The following TEAD1 variants were observed in gnomAD, a reference collection of about 807,000 sequenced individuals.
The protein encoded by TEAD1 is transcriptional enhancer factor TEF-1.
Under a neutral mutation model 54.9 loss-of-function variants are expected in TEAD1, and 9 were observed. The ratio of observed to expected loss-of-function variants is 0.16; its 90% CI spans 0.10 to 0.29. TEAD1 has a LOEUF of 0.29. Among genes scored for constraint, TEAD1 ranks in the 10% least tolerant of loss-of-function variants. The pLI is 1.00. For synonymous variants in TEAD1, 200 were observed against 187.8 expected, an observed-to-expected ratio of 1.07 and a Z score of -0.53; for missense variants, 387 against 535.9, an observed-to-expected ratio of 0.72 and a Z score of 2.74.
intron 9 of TEAD1, among the ~76,000 whole-genome samples, chr11:12,895,362 A>G (rs954604651): frequency 1.3e-5 from 2 of 152,232 alleles, no homozygotes; most frequent in African/African-American, 4.8e-5. Context: ...AGAAATCCAC[A>G]TATTAAGATG....
chr11:12,685,186 A>G (rs1246487602), intron 2 of TEAD1, among the ~76,000 whole-genome samples: 1 of 152,206 alleles, frequency 6.6e-6, no homozygotes, highest in African/African-American at 2.4e-5. Context: ...TCTCTTAAGC[A>G]GTGTATAGAC....
In TEAD1 at chr11:12,706,316, C is replaced by G. The variant is rs775886792; in HGVS notation, c.-55+30755C>G. Among the ~76,000 whole-genome samples, 4 of 152,284 alleles carry G rather than the reference C, an allele frequency of 2.6e-5. No homozygotes were observed. The East Asian group carries it at 7.7e-4, about 29-fold the overall frequency. ...ACATTAAAAGAGAAGTTTCCTGTTG[C>G]ACTTCTTCAGGTTTCTGGGTTAGTT... is the stretch of plus-strand genomic sequence containing the variant. On this transcript the variant is annotated intron_variant, in intron 2 of 12. Transcript: ENST00000527636.
At chr11:12,848,172 A>G (rs1330359772) in intron 3 of TEAD1, among the ~76,000 whole-genome samples, 2 of 152,138 alleles carry the variant, frequency 1.3e-5, no homozygotes, top group Non-Finnish European at 2.9e-5. Flanking sequence ...CTCTTCCTAG[A>G]CCATAAACTC....
At chr11:12,730,037 C>G (rs762483413) in intron 2 of TEAD1, among the ~76,000 whole-genome samples, 12 of 151,952 alleles carry the variant, frequency 7.9e-5, no homozygotes, top group Non-Finnish European at 1.3e-4. Flanking sequence ...TAGGTGACCA[C>G]AACTTCCCTC....
intron 5 of TEAD1, among the ~76,000 whole-genome samples, chr11:12,878,633 G>GTT (rs5789751): frequency 5.3e-5 from 8 of 151,300 alleles, no homozygotes; most frequent in Non-Finnish European, 1.0e-4. Context: ...TTGAGGGGTA[G>GTT]TTTTTTATTG....
chr11:12,692,511 T>G (rs1015733799), intron 2 of TEAD1, among the ~76,000 whole-genome samples: 1 of 150,024 alleles, frequency 6.7e-6, no homozygotes, highest in Non-Finnish European at 1.5e-5. Flanking sequence ...CCACCCCGGC[T>G]TTTTTTTCTT....
intron 9 of TEAD1, among the ~76,000 whole-genome samples, chr11:12,895,142 C>T (rs2134118973): frequency 6.6e-6 from 1 of 152,184 alleles, no homozygotes; most frequent in South Asian, 2.1e-4. Flanking sequence ...ACAGCAGGGA[C>T]CAGGAAACAA....
intron 3 of TEAD1, among the ~76,000 whole-genome samples, chr11:12,857,475 A>G (rs1947411643): frequency 1.3e-5 from 2 of 152,176 alleles, no homozygotes; most frequent in African/African-American, 4.8e-5. Context: ...AGGTGACTGC[A>G]GGATTGTTTT....
At chr11:12,793,098 A>G (rs936302787) in intron 3 of TEAD1, among the ~76,000 whole-genome samples, 8 of 151,908 alleles carry the variant, frequency 5.3e-5, no homozygotes, top group African/African-American at 1.9e-4. Context: ...ATTTTTGCAT[A>G]TCATTGAAAA....
At position 12,942,495 on chromosome 11, in the gene TEAD1, C is replaced by T. The variant is rs2134183023; in HGVS notation, c.*5273C>T. 6.6e-6 allele frequency: 1 copy of T among 152,302 alleles called. No individual in the cohort carries two copies. Among genetic ancestry groups the T allele is most frequent in the African/African-American group, 2.4e-5 (1 of 41,566 alleles). 9.4% of individuals were successfully genotyped at this position (152,302 alleles called of 1,614,324 possible). A position where few individuals can be genotyped will look rare whatever the true frequency, so the allele number is the denominator to read the frequency against. ...GTGCTGATGACCTAGTGTGTCATTT[C>T]ACCTCGTCACCCAGCCCTGCGTCCG... On this transcript the variant is annotated 3_prime_UTR_variant, in exon 13 of 13. Transcript: ENST00000527636.
In TEAD1 at chr11:12,691,661, T is replaced by C. The variant is rs1943460321; in HGVS notation, c.-55+16100T>C. Among the ~76,000 whole-genome samples the C allele has an allele frequency of 2.0e-5, 3 of 152,334 alleles. No individual in the cohort carries two copies. The South Asian group carries it at 6.2e-4, about 32-fold the overall frequency. On this transcript the variant is annotated intron_variant, in intron 2 of 12. Transcript: ENST00000527636. Reference sequence around the variant, plus strand: ...ACCATGGATGGTTTGTGGTTTGACTTGCCTCCTGAAGGCCAAAGCTCATGT... The same window carrying C: ...ACCATGGATGGTTTGTGGTTTGACTCGCCTCCTGAAGGCCAAAGCTCATGT...
At chr11:12,798,859 G>A (rs1274039221) in intron 3 of TEAD1, among the ~76,000 whole-genome samples, 1 of 152,214 alleles carries the variant, frequency 6.6e-6, no homozygotes, top group Non-Finnish European at 1.5e-5. Context: ...ACTCATGAGG[G>A]AAGCAGTGCT....
chr11:12,721,446 C>T (rs1270184275), intron 2 of TEAD1, among the ~76,000 whole-genome samples: 1 of 152,176 alleles, frequency 6.6e-6, no homozygotes, highest in Non-Finnish European at 1.5e-5. Context: ...ATGATCTGCA[C>T]ACACCCCTAT....
intron 9 of TEAD1, among the ~76,000 whole-genome samples, chr11:12,899,078 C>T (rs1040691656): frequency 1.3e-5 from 2 of 152,152 alleles, no homozygotes; most frequent in South Asian, 2.1e-4. Context: ...GGGCAGCTAG[C>T]GAGGCAGAAC....
rs570237353 is a variant in TEAD1 at position 12,745,670 on chromosome 11, T to C, written c.-54-18509T>C. The stretch of plus-strand genomic sequence containing the variant: ...TCTTATAATACGTGCAACCCTGATA[T>C]TGTAAAATGAAATATAAATCAATAA... On this transcript the variant is annotated intron_variant, in intron 2 of 12. Coordinates refer to ENST00000527636, the MANE Select transcript of TEAD1 (RefSeq NM_021961.6). 1.2e-3 allele frequency among the ~76,000 whole-genome samples: 184 copies of C among 151,378 alleles called. 1 individual carries two copies. Among genetic ancestry groups the C allele is most frequent in the South Asian group, 2.1e-3 (10 of 4,776 alleles).
chr11:12,716,200 A>G (rs925927934), intron 2 of TEAD1, among the ~76,000 whole-genome samples: 1 of 151,888 alleles, frequency 6.6e-6, no homozygotes, highest in Non-Finnish European at 1.5e-5. Context: ...AACTCTCTCC[A>G]CTGCCCTCCT....
chr11:12,773,415 T>C (rs193155811), intron 3 of TEAD1, among the ~76,000 whole-genome samples: 1 of 152,258 alleles, frequency 6.6e-6, no homozygotes, highest in Non-Finnish European at 1.5e-5. Context: ...TTTCTCTGCA[T>C]CCTCACCAGC....
intron 2 of TEAD1, among the ~76,000 whole-genome samples, chr11:12,703,630 C>G (rs947380039): frequency 6.6e-6 from 1 of 152,158 alleles, no homozygotes; most frequent in Admixed American, 6.5e-5. Flanking sequence ...AACTCTGAGC[C>G]CTTGCGGGAT....
At chr11:12,751,360 G>A (rs1281821506) in intron 2 of TEAD1, among the ~76,000 whole-genome samples, 2 of 152,018 alleles carry the variant, frequency 1.3e-5, no homozygotes, top group African/African-American at 2.4e-5. Context: ...ATCCTCAAAG[G>A]TGAGAGACGC....
Sources: gnomAD v4.1 joint callset for allele counts (sites outside exome capture counted in the v4.1 genomes callset) on GRCh38, gnomAD v4.1.1 for gene constraint, MANE v1.5 for transcripts, NCBI Gene and HGNC (gene_info 2026-07-23, HGNC 2026-07-21) for gene names.